Variants in MAL observed in about 807,000 individuals in gnomAD.
MAL encodes the protein myelin and lymphocyte protein.
Under a neutral mutation model 16.7 loss-of-function variants are expected in MAL, and 5 were observed. The observed-to-expected ratio is 0.30, with a 90% confidence interval of 0.16 to 0.63. MAL has a LOEUF of 0.63. Ranked by LOEUF, MAL falls within the 30% of genes least tolerant of loss-of-function variation. MAL has a pLI of 0.82. For missense variants in MAL, 202 were observed against 195.8 expected, an observed-to-expected ratio of 1.03 and a Z score of -0.19; for synonymous variants, 96 against 85.5, an observed-to-expected ratio of 1.12 and a Z score of -0.67.
intron 1 of MAL, among the ~76,000 whole-genome samples, chr2:95,033,890 G>A (rs968028826): frequency 6.6e-6 from 1 of 152,178 alleles, no homozygotes; most frequent in Non-Finnish European, 1.5e-5. Context: ...AGGAGCACCC[G>A]GCAGCTGTGG....
chr2:95,052,897 G>A (rs1484588749), intron 3 of MAL: 1 of 154,772 alleles, frequency 6.5e-6, no homozygotes, highest in Non-Finnish European at 1.4e-5. Flanking sequence ...ATAATGATAG[G>A]GTGAGAATGT....
At chr2:95,042,732 T>C (rs1269162910) in intron 1 of MAL, among the ~76,000 whole-genome samples, 1 of 152,220 alleles carries the variant, frequency 6.6e-6, no homozygotes, top group African/African-American at 2.4e-5. Flanking sequence ...CTCTTTGCAC[T>C]GCCACCTGGA....
intron 1 of MAL, among the ~76,000 whole-genome samples, chr2:95,039,129 T>C (rs537555643): frequency 1.5e-4 from 23 of 149,978 alleles, no homozygotes; most frequent in African/African-American, 5.4e-4. Flanking sequence ...ACTGAGTGAG[T>C]GAGTGAGTGA....
intron 3 of MAL, 134 bp downstream of exon 3, chr2:95,049,840 G>A: frequency 1.5e-6 from 2 of 1,312,424 alleles, no homozygotes; most frequent in South Asian, 1.4e-5. Context: ...TTGCCTTCAT[G>A]CCTGGAGCAG....
chr2:95,047,651 G>A (rs1012478400), intron 1 of MAL, among the ~76,000 whole-genome samples: 1 of 152,188 alleles, frequency 6.6e-6, no homozygotes, highest in African/African-American at 2.4e-5. Flanking sequence ...AACCCAGGAG[G>A]CAGAGGTTGC....
Position 95,053,942 on chromosome 2 carries a change from G to A in MAL, c.*487G>A, listed in dbSNP as rs1468979726. On this transcript the variant is annotated 3_prime_UTR_variant, in exon 4 of 4. Transcript: ENST00000309988. Reference sequence around the variant, plus strand: ...CAACAGATCTTTCCAGAGGTCCATGGTGGAAGACGATAACCCTGTGAAATA... The same window carrying A: ...CAACAGATCTTTCCAGAGGTCCATGATGGAAGACGATAACCCTGTGAAATA... 6.3e-6 allele frequency: 1 copy of A among 157,792 alleles called. No homozygotes were observed. Among genetic ancestry groups the A allele is most frequent in the Non-Finnish European group, 1.4e-5 (1 of 71,618 alleles). 9.8% of individuals were successfully genotyped at this position (157,792 alleles called of 1,614,324 possible). A position where few individuals can be genotyped will look rare whatever the true frequency, so the allele number is the denominator to read the frequency against.
intron 1 of MAL, among the ~76,000 whole-genome samples, chr2:95,035,814 C>T (rs1307414340): frequency 2.0e-4 from 31 of 151,942 alleles, no homozygotes; most frequent in Admixed American, 9.8e-4. Context: ...GGACTACAGG[C>T]GCCCACCACC....
At chr2:95,034,196 C>T (rs1444635921) in intron 1 of MAL, among the ~76,000 whole-genome samples, 1 of 152,178 alleles carries the variant, frequency 6.6e-6, no homozygotes, top group Non-Finnish European at 1.5e-5. Context: ...TCCCTGGAGT[C>T]ACCGAGTCCT....
At chr2:95,048,725 C>T (rs1249099677) in intron 2 of MAL, among the ~76,000 whole-genome samples, 1 of 152,268 alleles carries the variant, frequency 6.6e-6, no homozygotes, top group Non-Finnish European at 1.5e-5. Context: ...TTGGCCAAGG[C>T]TGTCACTCTC....
chr2:95,040,512 G>T (rs768211045), intron 1 of MAL, among the ~76,000 whole-genome samples: 1 of 152,214 alleles, frequency 6.6e-6, no homozygotes, highest in African/African-American at 2.4e-5. Flanking sequence ...GGCAAAGCCT[G>T]CTGAGCCTCT....
intron 1 of MAL, among the ~76,000 whole-genome samples, chr2:95,035,901 CCTCGTGATCCG>C (rs1674193906): frequency 6.6e-6 from 1 of 152,106 alleles, no homozygotes; most frequent in African/African-American, 2.4e-5. Flanking sequence ...AATCTCCTGA[CCTCGTGATCCG>C]CTCACCTCAG....
intron 1 of MAL, among the ~76,000 whole-genome samples, chr2:95,037,854 G>A (rs1240968549): frequency 6.6e-6 from 1 of 151,854 alleles, no homozygotes; most frequent in Non-Finnish European, 1.5e-5. Flanking sequence ...CTGAGTGTGT[G>A]AGTGACTGAC....
intron 1 of MAL, among the ~76,000 whole-genome samples, chr2:95,042,212 G>A (rs188994804): frequency 1.4e-4 from 22 of 152,326 alleles, no homozygotes; most frequent in Middle Eastern, 6.8e-3. Flanking sequence ...GGGGGCAGTC[G>A]GCTGGCATCG....
Position 95,025,950 on chromosome 2 carries a change from G to C in MAL, c.93+65G>C. 2.2e-6 allele frequency: 3 copies of C among 1,387,842 alleles called. No homozygotes were observed. The highest frequency in any genetic ancestry group is 2.2e-5 in the Admixed American group (1 of 45,040). The allele number at this position is 1,387,842 out of a possible 1,614,324, so 86.0% of individuals were successfully genotyped here. ...AGCCGTGCGCTCTCTCGGGCGCCCA[G>C]CACAGCTGTCGGACGGGATCCGCTA... On this transcript the variant is annotated intron_variant, in intron 1 of 3. Coordinates refer to ENST00000309988, the MANE Select transcript of MAL (RefSeq NM_002371.4). This position sits in a 1 kb window ranked among gnomAD's most constrained non-coding sequence, Gnocchi z 5.6.
intron 1 of MAL, among the ~76,000 whole-genome samples, chr2:95,027,676 G>A (rs1055375966): frequency 1.3e-5 from 2 of 152,154 alleles, no homozygotes; most frequent in Admixed American, 6.5e-5. Flanking sequence ...AAGGGCCTGA[G>A]AAGGCGCTGG....
intron 1 of MAL, among the ~76,000 whole-genome samples, chr2:95,034,651 G>A (rs1455611414): frequency 6.6e-6 from 1 of 152,134 alleles, no homozygotes; most frequent in Non-Finnish European, 1.5e-5. Context: ...CTTGGCAGGA[G>A]GGCATAGTTG....
intron 1 of MAL, among the ~76,000 whole-genome samples, chr2:95,037,760 GTGAGTGAC>G: frequency 6.6e-6 from 1 of 151,658 alleles, no homozygotes; most frequent in East Asian, 2.0e-4. Context: ...GAGTGACTGA[GTGAGTGAC>G]TGAGTGAGTG....
At chr2:95,046,988 AAG>A (rs1322340463) in intron 1 of MAL, among the ~76,000 whole-genome samples, 1 of 150,486 alleles carries the variant, frequency 6.6e-6, no homozygotes, top group Non-Finnish European at 1.5e-5. Flanking sequence ...AAGAAAGAAA[AAG>A]AAGGAAGGAA....
chr2:95,037,141 C>G (rs1312336128), intron 1 of MAL, among the ~76,000 whole-genome samples: 391 of 85,870 alleles, frequency 4.6e-3, no homozygotes, highest in Middle Eastern at 0.024. Flanking sequence ...GAGTGAGTGA[C>G]TGAGTGAGTA....
Sources: gnomAD v4.1 joint callset for allele counts (sites outside exome capture counted in the v4.1 genomes callset) on GRCh38, gnomAD v4.1.1 for gene constraint, Gnocchi (gnomAD v3.1) non-coding constraint, MANE v1.5 for transcripts, NCBI Gene and HGNC (gene_info 2026-07-23, HGNC 2026-07-21) for gene names.